The following FARS2 variants were observed in gnomAD, a reference collection of about 807,000 sequenced individuals.
FARS2 encodes phenylalanyl-tRNA synthetase 2, mitochondrial, also known as phenylalanine--tRNA ligase, mitochondrial.
Under a neutral mutation model 46.4 loss-of-function variants are expected in FARS2, and 40 were observed. The observed-to-expected ratio is 0.86, with a 90% confidence interval of 0.67 to 1.12. The LOEUF is 1.12. Among genes scored for constraint, FARS2 ranks in the 50% most tolerant of loss-of-function variants. The pLI is 0.00. For missense variants in FARS2, 513 were observed against 567.9 expected, an observed-to-expected ratio of 0.90 and a Z score of 0.98; for synonymous variants, 234 against 214.9, an observed-to-expected ratio of 1.09 and a Z score of -0.78.
At chr6:5,739,427 G>A (rs1187180482) in intron 6 of FARS2, among the ~76,000 whole-genome samples, 1 of 152,106 alleles carries the variant, frequency 6.6e-6, no homozygotes, top group African/African-American at 2.4e-5. Context: ...CCTGCCTGTT[G>A]TTTGACCAGT....
chr6:5,562,384 T>C (rs1022761970), intron 5 of FARS2, among the ~76,000 whole-genome samples: 7 of 152,170 alleles, frequency 4.6e-5, no homozygotes, highest in African/African-American at 1.7e-4. Context: ...CAATACCTGA[T>C]CAAGAGTATT....
intron 6 of FARS2, among the ~76,000 whole-genome samples, chr6:5,706,361 G>C (rs1005911385): frequency 6.6e-6 from 1 of 152,192 alleles, no homozygotes; most frequent in Non-Finnish European, 1.5e-5. Context: ...TGAGGGCAGG[G>C]GCTGAGTCTT....
At chr6:5,718,210 G>A (rs932693963) in intron 6 of FARS2, among the ~76,000 whole-genome samples, 2 of 152,032 alleles carry the variant, frequency 1.3e-5, no homozygotes, top group South Asian at 2.1e-4. Flanking sequence ...CACCATGCCC[G>A]GCCAGTATCA....
At chr6:5,369,896 A>C (rs1221971959) in intron 2 of FARS2, among the ~76,000 whole-genome samples, 1 of 150,788 alleles carries the variant, frequency 6.6e-6, no homozygotes, top group Non-Finnish European at 1.5e-5. Flanking sequence ...TTTTTTTGCA[A>C]ATTCTGAAAT....
intron 2 of FARS2, among the ~76,000 whole-genome samples, chr6:5,394,892 A>G (rs1014651815): frequency 2.0e-5 from 3 of 152,160 alleles, no homozygotes; most frequent in Admixed American, 1.3e-4. Flanking sequence ...TACAGAAACC[A>G]TATTCCATTG....
intron 6 of FARS2, among the ~76,000 whole-genome samples, chr6:5,680,124 A>C (rs1778959405): frequency 6.6e-6 from 1 of 152,238 alleles, no homozygotes; most frequent in East Asian, 1.9e-4. Context: ...TACAGAATGT[A>C]GCGTAGCTCT....
At chr6:5,416,077 C>A (rs1762222894) in intron 3 of FARS2, among the ~76,000 whole-genome samples, 1 of 152,094 alleles carries the variant, frequency 6.6e-6, no homozygotes, top group Non-Finnish European at 1.5e-5. Flanking sequence ...GTGGGATTTG[C>A]AATATTTTCA....
At chr6:5,409,605 A>G (rs1170437235) in intron 3 of FARS2, among the ~76,000 whole-genome samples, 2 of 152,216 alleles carry the variant, frequency 1.3e-5, no homozygotes, top group African/African-American at 4.8e-5. Context: ...TAAATGTTCA[A>G]ATTCACTTTT....
At chr6:5,294,694 G>A (rs1767734672) in intron 1 of FARS2, among the ~76,000 whole-genome samples, 1 of 152,146 alleles carries the variant, frequency 6.6e-6, no homozygotes, top group South Asian at 2.1e-4. Context: ...TTTTTATAAA[G>A]GATATTGCAA....
At chr6:5,646,755 T>C (rs1167059900) in intron 6 of FARS2, among the ~76,000 whole-genome samples, 1 of 152,246 alleles carries the variant, frequency 6.6e-6, no homozygotes, top group Non-Finnish European at 1.5e-5. Context: ...ATGTAAATTC[T>C]ATGTAAATAG....
At chr6:5,337,147 ATATG>A (rs1456534393) in intron 1 of FARS2, among the ~76,000 whole-genome samples, 1 of 150,866 alleles carries the variant, frequency 6.6e-6, no homozygotes, top group Non-Finnish European at 1.5e-5. Context: ...ATGAGATTAT[ATATG>A]TATGTGTGTG....
At chr6:5,279,788 C>T (rs760786928) in intron 1 of FARS2, among the ~76,000 whole-genome samples, 1 of 152,044 alleles carries the variant, frequency 6.6e-6, no homozygotes, top group Non-Finnish European at 1.5e-5. Context: ...AGAGAGAATT[C>T]TTTCTTACTC....
At chr6:5,441,365 C>T (rs1192827250) in intron 4 of FARS2, among the ~76,000 whole-genome samples, 1 of 152,156 alleles carries the variant, frequency 6.6e-6, no homozygotes, top group East Asian at 1.9e-4. Flanking sequence ...AGTTTCTTCA[C>T]TCCTTCCCTC....
chr6:5,279,196 T>C (rs145290345), intron 1 of FARS2, among the ~76,000 whole-genome samples: 1,595 of 151,710 alleles, frequency 0.011, 28 homozygotes, highest in African/African-American at 0.037. Context: ...GCTAACACGG[T>C]GAAACCCCGT....
At chr6:5,679,773 G>C (rs6918675) in intron 6 of FARS2, among the ~76,000 whole-genome samples, 1 of 150,984 alleles carries the variant, frequency 6.6e-6, no homozygotes, top group African/African-American at 2.4e-5. Context: ...TCCTTTCCTG[G>C]TTTTTCCTGA....
intron 1 of FARS2, among the ~76,000 whole-genome samples, chr6:5,352,218 T>C (rs1757622873): frequency 6.6e-6 from 1 of 151,804 alleles, no homozygotes; most frequent in Non-Finnish European, 1.5e-5. Flanking sequence ...TCTTCTGATG[T>C]GGCCCAAGGA....
At chr6:5,366,744 G>C (rs1758705105) in intron 1 of FARS2, among the ~76,000 whole-genome samples, 1 of 152,184 alleles carries the variant, frequency 6.6e-6, no homozygotes, top group South Asian at 2.1e-4. Flanking sequence ...ACCTTTCCGA[G>C]AACAATTCTG....
intron 6 of FARS2, among the ~76,000 whole-genome samples, chr6:5,690,011 G>A (rs959621055): frequency 2.0e-5 from 3 of 152,116 alleles, no homozygotes; most frequent in African/African-American, 4.8e-5. Flanking sequence ...TCCAAGACTA[G>A]GATTGCAACC....
chr6:5,259,554 G>C, upstream of FARS2, among the ~76,000 whole-genome samples: 1 of 151,984 alleles, frequency 6.6e-6, no homozygotes. Context: ...GAGGCTTAGC[G>C]TTCCTGTCCT....
Sources: gnomAD v4.1 joint callset for allele counts (sites outside exome capture counted in the v4.1 genomes callset) on GRCh38, gnomAD v4.1.1 for gene constraint, MANE v1.5 for transcripts, NCBI Gene and HGNC (gene_info 2026-07-23, HGNC 2026-07-21) for gene names.